DLG2: variants seen among roughly 807,000 people sequenced by gnomAD.
DLG2 encodes disks large homolog 2.
A neutral mutation model predicts 132.5 loss-of-function variants in DLG2; 45 were observed. That is an observed-to-expected ratio of 0.34 (90% confidence interval 0.27 to 0.44). The LOEUF (loss-of-function observed/expected upper bound fraction) is 0.44. DLG2 is among the 20% of genes least tolerant of loss of function. DLG2 has a pLI of 1.00. For missense variants in DLG2, 1,045 were observed against 1,196.9 expected, an observed-to-expected ratio of 0.87 and a Z score of 1.87; for synonymous variants, 424 against 419.6, an observed-to-expected ratio of 1.01 and a Z score of -0.13.
chr11:84,671,886 G>C (rs1341052239), intron 6 of DLG2, among the ~76,000 whole-genome samples: 2 of 152,188 alleles, frequency 1.3e-5, no homozygotes, highest in East Asian at 3.9e-4. Context: ...TGAGGTTTTT[G>C]TTTTGTTTTG....
At chr11:83,872,496 G>GT (rs924314904) in intron 16 of DLG2, among the ~76,000 whole-genome samples, 4 of 152,290 alleles carry the variant, frequency 2.6e-5, no homozygotes, top group African/African-American at 9.6e-5. Context: ...TCACTATGAA[G>GT]TTTATACAGT....
chr11:85,406,103 A>G (rs2088703335), intron 3 of DLG2, among the ~76,000 whole-genome samples: 1 of 151,956 alleles, frequency 6.6e-6, no homozygotes, highest in Non-Finnish European at 1.5e-5. Flanking sequence ...CTTCAATTAT[A>G]GAGTCACACA....
intron 8 of DLG2, among the ~76,000 whole-genome samples, chr11:84,201,153 G>C (rs900542270): frequency 6.6e-6 from 1 of 152,170 alleles, no homozygotes; most frequent in Non-Finnish European, 1.5e-5. Flanking sequence ...TTTTTAACAT[G>C]TAGGGATGTT....
intron 21 of DLG2, chr11:83,486,351 C>A (rs557903004): frequency 4.5e-4 from 205 of 454,086 alleles, no homozygotes; most frequent in South Asian, 1.3e-3. Flanking sequence ...ACTTGTCATG[C>A]AAAAAAAAAA....
intron 6 of DLG2, among the ~76,000 whole-genome samples, chr11:84,651,619 A>G (rs2099682165): frequency 6.6e-6 from 1 of 152,218 alleles, no homozygotes; most frequent in South Asian, 2.1e-4. Flanking sequence ...AGGTGAAGCC[A>G]TTGGTATTGG....
intron 11 of DLG2, among the ~76,000 whole-genome samples, chr11:84,001,736 A>C (rs1335021019): frequency 1.3e-5 from 2 of 152,176 alleles, no homozygotes; most frequent in Non-Finnish European, 2.9e-5. Flanking sequence ...AATCTTATTG[A>C]GTATATTCTC....
At chr11:84,760,061 A>G (rs1452036103) in intron 6 of DLG2, among the ~76,000 whole-genome samples, 2 of 152,198 alleles carry the variant, frequency 1.3e-5, no homozygotes, top group African/African-American at 4.8e-5. Flanking sequence ...TTTAAAATTA[A>G]TTGTGAATCC....
At chr11:84,785,360 G>A (rs1362420009) in intron 6 of DLG2, among the ~76,000 whole-genome samples, 1 of 151,994 alleles carries the variant, frequency 6.6e-6, no homozygotes, top group East Asian at 1.9e-4. Context: ...GTTAAATCTA[G>A]ATTTGATCAA....
intron 6 of DLG2, among the ~76,000 whole-genome samples, chr11:84,839,082 A>G (rs2080228440): frequency 6.6e-6 from 1 of 152,138 alleles, no homozygotes; most frequent in East Asian, 1.9e-4. Context: ...ATGAGTGGAT[A>G]TTTAGAAAAC....
chr11:84,129,376 G>T (rs1445518027), intron 9 of DLG2, among the ~76,000 whole-genome samples: 1 of 151,992 alleles, frequency 6.6e-6, no homozygotes. Flanking sequence ...ATTTTCCAGG[G>T]TGATCTCAAG....
intron 16 of DLG2, among the ~76,000 whole-genome samples, chr11:83,842,371 G>A (rs184284326): frequency 3.3e-5 from 5 of 152,198 alleles, no homozygotes; most frequent in East Asian, 1.9e-4. Context: ...CAAGGCGGGC[G>A]GATCATGAGG....
At chr11:84,853,074 G>T (rs1341846360) in intron 6 of DLG2, among the ~76,000 whole-genome samples, 1 of 151,964 alleles carries the variant, frequency 6.6e-6, no homozygotes, top group Non-Finnish European at 1.5e-5. Flanking sequence ...AGTAAAGAAG[G>T]AAGTATTAAC....
intron 19 of DLG2, among the ~76,000 whole-genome samples, chr11:83,568,443 G>A (rs1294046990): frequency 1.3e-5 from 2 of 152,152 alleles, no homozygotes; most frequent in Admixed American, 6.6e-5. Context: ...GATATCAGGA[G>A]CTCAGGAGAG....
intron 8 of DLG2, among the ~76,000 whole-genome samples, chr11:84,241,114 C>T (rs558514235): frequency 1.3e-5 from 2 of 152,278 alleles, no homozygotes; most frequent in East Asian, 1.9e-4. Context: ...TCTTTTTATT[C>T]TTTAAGAGCT....
At chr11:83,748,743 T>C (rs999515300) in intron 18 of DLG2, among the ~76,000 whole-genome samples, 5 of 152,216 alleles carry the variant, frequency 3.3e-5, no homozygotes, top group African/African-American at 1.2e-4. Flanking sequence ...TAAGGGTATC[T>C]TTTATGTGCA....
Position 84,625,071 on chromosome 11 carries a change from G to A in DLG2, c.358-90340C>T, listed in dbSNP as rs528493127. On this transcript the variant is annotated intron_variant, in intron 6 of 27. Coordinates refer to ENST00000376104, the MANE Select transcript of DLG2 (RefSeq NM_001142699.3). ...GAGACGGGGTTTCACCGTTTTAGCC[G>A]GGATGGTCTCGATCTCCTGACCTCG... Among the ~76,000 whole-genome samples, 7 of 150,366 alleles carry A rather than the reference G, an allele frequency of 4.7e-5. No individual in the cohort carries two copies. The South Asian group carries it at 8.5e-4, about 18-fold the overall frequency.
intron 6 of DLG2, among the ~76,000 whole-genome samples, chr11:84,621,526 G>A (rs772905877): frequency 6.6e-6 from 1 of 152,058 alleles, no homozygotes; most frequent in Non-Finnish European, 1.5e-5. Context: ...TTGTTCACTC[G>A]CTAATTGAAT....
At chr11:83,627,676 G>A (rs1176941136) in intron 19 of DLG2, among the ~76,000 whole-genome samples, 2 of 152,126 alleles carry the variant, frequency 1.3e-5, no homozygotes, top group African/African-American at 2.4e-5. Flanking sequence ...ATAAACATGC[G>A]TGTGCATGTG....
Position 83,965,421 on chromosome 11 carries a change from T to C in DLG2, c.1104A>G (p.Ala368=), listed in dbSNP as rs1366395674. ...LEEVTHEEAV[A]ILKNTSEVVY... is the part of the protein sequence containing the mutation. The stretch of plus-strand genomic sequence containing the variant: ...CTACCTCTGATGTGTTCTTTAATAT[T>C]GCTACTGCCTCTTCGTGTGTTACTT... Residue 368 remains alanine (A), a synonymous_variant, in exon 13 of 28, where the codon GCA becomes GCG. Transcript: ENST00000376104. 2 of 1,611,448 alleles carry C rather than the reference T, an allele frequency of 1.2e-6. No individual in the cohort carries two copies. The highest frequency in any genetic ancestry group is 2.7e-5 in the African/African-American group (2 of 74,702).
Sources: gnomAD v4.1 joint callset for allele counts (sites outside exome capture counted in the v4.1 genomes callset) on GRCh38, gnomAD v4.1.1 for gene constraint, MANE v1.5 for transcripts, NCBI Gene and HGNC (gene_info 2026-07-23, HGNC 2026-07-21) for gene names.